The following ERC2 variants were observed in gnomAD, a reference collection of about 807,000 sequenced individuals.
ERC2 encodes the protein ELKS/RAB6-interacting/CAST family member 2, also known as ERC protein 2.
ERC2 carries 42 observed loss-of-function variants against 114.8 expected under a neutral mutation model. The observed-to-expected ratio is 0.37, with a 90% CI of 0.29 to 0.47. The LOEUF is 0.47. Ranked by LOEUF, ERC2 falls within the 20% of genes least tolerant of loss-of-function variation. ERC2 has a pLI of 0.99. For synonymous variants in ERC2, 454 were observed against 425.5 expected (o/e 1.07, Z -0.82); for missense variants, 939 against 1,150.7 (o/e 0.82, Z 2.66).
Position 55,577,654 on chromosome 3 carries a change from G to A in ERC2, c.*40-66378C>T, listed in dbSNP as rs1336834865. ...TCCCCATAGTCACCAGATAAGTCAG[G>A]CTGAACCCCAAACAGACCCCAGGCA... On this transcript the variant is annotated intron_variant, in intron 17 of 17. Coordinates refer to ENST00000288221, the MANE Select transcript of ERC2 (RefSeq NM_015576.3). Among the ~76,000 whole-genome samples, 5 of 152,284 alleles carry A rather than the reference G, an allele frequency of 3.3e-5. No homozygotes were observed. The East Asian group carries it at 7.7e-4, about 24-fold the overall frequency.
rs1217372914 is a variant in ERC2 at position 55,620,385 on chromosome 3, T to C, written c.*39+63409A>G. Among the ~76,000 whole-genome samples the C allele has an allele frequency of 2.0e-5, 3 of 152,190 alleles. No homozygotes were observed. The East Asian group carries it at 5.8e-4, about 29-fold the overall frequency. ...TTTTTAGATGTATAAACTCAACTTT[T>C]AAACCCTGCTTTGAATTTCGCTTCC... On this transcript the variant is annotated intron_variant, in intron 17 of 17. Coordinates refer to ENST00000288221, the MANE Select transcript of ERC2 (RefSeq NM_015576.3).
intron 1 of ERC2, among the ~76,000 whole-genome samples, chr3:56,455,080 A>G (rs1043836173): frequency 1.3e-5 from 2 of 152,060 alleles, no homozygotes; most frequent in African/African-American, 4.8e-5. Context: ...ATTAGTACCT[A>G]GTTTCAGTAT....
intron 13 of ERC2, among the ~76,000 whole-genome samples, chr3:55,929,433 T>C (rs2065941574): frequency 6.6e-6 from 1 of 152,234 alleles, no homozygotes. Context: ...TGAGTTCAAG[T>C]TTTGTATATT....
At chr3:56,040,839 C>G (rs552343482) in intron 7 of ERC2, among the ~76,000 whole-genome samples, 1 of 148,044 alleles carries the variant, frequency 6.8e-6, no homozygotes, top group Non-Finnish European at 1.5e-5. Flanking sequence ...TATATATCTC[C>G]CCTTAGAGAA....
intron 2 of ERC2, among the ~76,000 whole-genome samples, chr3:56,416,558 G>A (rs1166169615): frequency 6.7e-6 from 1 of 149,884 alleles, no homozygotes; most frequent in Non-Finnish European, 1.5e-5. Flanking sequence ...CCATGATGAT[G>A]TTCTGGCAGA....
chr3:55,513,214 T>C (rs1393601305), intron 17 of ERC2, among the ~76,000 whole-genome samples: 1 of 152,258 alleles, frequency 6.6e-6, no homozygotes, highest in Non-Finnish European at 1.5e-5. Flanking sequence ...TTACAACTCC[T>C]GTTTACAACC....
At chr3:55,696,902 G>A (rs1384047803) in intron 16 of ERC2, among the ~76,000 whole-genome samples, 1 of 152,142 alleles carries the variant, frequency 6.6e-6, no homozygotes, top group Non-Finnish European at 1.5e-5. Context: ...TCTAGCAAAG[G>A]AGCCTTACTG....
Position 55,655,305 on chromosome 3 carries a change from A to G in ERC2, c.*39+28489T>C, listed in dbSNP as rs148833984. On this transcript the variant is annotated intron_variant, in intron 17 of 17. Transcript: ENST00000288221. ...AGCTTGTACTACATCCTTGTCATGT[A>G]GTACAAAGAAGAGTCTGCTTCCAGG... 2.6e-5 allele frequency among the ~76,000 whole-genome samples: 4 copies of G among 152,250 alleles called. No individual in the cohort carries two copies. In the East Asian group the frequency reaches 7.7e-4, roughly 29 times the overall value.
At chr3:55,939,243 T>A (rs1048973372) in intron 13 of ERC2, among the ~76,000 whole-genome samples, 7 of 152,210 alleles carry the variant, frequency 4.6e-5, no homozygotes, top group African/African-American at 1.7e-4. Context: ...CTTAATAAAG[T>A]ATCACCGCAG....
intron 15 of ERC2, among the ~76,000 whole-genome samples, chr3:55,704,190 C>G (rs1434341666): frequency 6.6e-6 from 1 of 152,184 alleles, no homozygotes; most frequent in Non-Finnish European, 1.5e-5. Context: ...ATCCAAGGAG[C>G]TCTTGAAACA....
rs533297865 is a variant in ERC2, at chr3:55,529,955, T to C, written c.*40-18679A>G. On this transcript the variant is annotated intron_variant, in intron 17 of 17. Transcript: ENST00000288221. ...TCTTCACTGGGCCTCAGTTTCCCCA[T>C]TTTCAAGATTAGGTCATTGGTCTAG... 9.2e-5 allele frequency among the ~76,000 whole-genome samples: 14 copies of C among 152,320 alleles called. No homozygotes were observed. The South Asian group carries it at 2.3e-3, about 25-fold the overall frequency.
At position 55,855,203 on chromosome 3, in the gene ERC2, T is replaced by G. The variant is rs139703510; in HGVS notation, c.2564+33186A>C. Among the ~76,000 whole-genome samples the G allele has an allele frequency of 5.7e-3, 861 of 152,266 alleles. 5 individuals carry two copies. The highest frequency in any genetic ancestry group is 0.019 in the African/African-American group (788 of 41,546). ...ATGACTAAAAGGCATCTCAGAGGTG[T>G]AAACCATACCAATATGACTGAAATC... On this transcript the variant is annotated intron_variant, in intron 14 of 17. Coordinates refer to ENST00000288221, the MANE Select transcript of ERC2 (RefSeq NM_015576.3).
chr3:55,899,897 G>A (rs1194211172), intron 13 of ERC2, among the ~76,000 whole-genome samples: 1 of 152,152 alleles, frequency 6.6e-6, no homozygotes, highest in African/African-American at 2.4e-5. Flanking sequence ...AACTAAGAAA[G>A]ATCTGCCTAG....
At chr3:55,737,595 C>A (rs2065713980) in intron 14 of ERC2, among the ~76,000 whole-genome samples, 1 of 152,030 alleles carries the variant, frequency 6.6e-6, no homozygotes, top group African/African-American at 2.4e-5. Context: ...AACTAAAGGA[C>A]CGATATTAGG....
chr3:55,721,377 A>G (rs1391647195), intron 15 of ERC2, among the ~76,000 whole-genome samples: 1 of 152,246 alleles, frequency 6.6e-6, no homozygotes, highest in East Asian at 1.9e-4. Flanking sequence ...CATCTTCTCT[A>G]CTCAACTGTA....
intron 17 of ERC2, among the ~76,000 whole-genome samples, chr3:55,671,327 C>T (rs914521469): frequency 6.6e-6 from 1 of 152,140 alleles, no homozygotes; most frequent in African/African-American, 2.4e-5. Flanking sequence ...ATAAAAAAAT[C>T]TATGAACATT....
rs577310372 is a variant in ERC2, at chr3:56,321,783, T to C, written c.658-25348A>G. Among the ~76,000 whole-genome samples the C allele has an allele frequency of 1.2e-4, 19 of 152,378 alleles. No individual in the cohort carries two copies. The East Asian group carries it at 3.5e-3, about 28-fold the overall frequency. On this transcript the variant is annotated intron_variant, in intron 2 of 17. Coordinates refer to ENST00000288221, the MANE Select transcript of ERC2 (RefSeq NM_015576.3). ...GTTTAGATCACCCATAAGGCCTAAC[T>C]GGTTTTGTTTGCTAAGGGATACTTC... is the stretch of plus-strand genomic sequence containing the variant.
At chr3:55,606,055 T>A (rs1252067249) in intron 17 of ERC2, among the ~76,000 whole-genome samples, 1 of 152,238 alleles carries the variant, frequency 6.6e-6, no homozygotes, top group Non-Finnish European at 1.5e-5. Flanking sequence ...CCCTATGGTC[T>A]CTGTGGGTTT....
intron 2 of ERC2, among the ~76,000 whole-genome samples, chr3:56,301,560 C>T (rs2055876306): frequency 6.6e-6 from 1 of 152,110 alleles, no homozygotes; most frequent in African/African-American, 2.4e-5. Context: ...AGCAATTCAA[C>T]TCAATCAAGT....
Sources: gnomAD v4.1 joint callset for allele counts (sites outside exome capture counted in the v4.1 genomes callset) on GRCh38, gnomAD v4.1.1 for gene constraint, MANE v1.5 for transcripts, NCBI Gene and HGNC (gene_info 2026-07-23, HGNC 2026-07-21) for gene names.